Variants in RASSF3 observed in about 807,000 individuals in gnomAD.
RASSF3 encodes ras association domain-containing protein 3.
In RASSF3, 19 loss-of-function variants were observed where a neutral mutation model predicts 19.9. That is an observed-to-expected ratio of 0.96 (90% CI 0.67 to 1.40). RASSF3 has a LOEUF of 1.40. Ranked by LOEUF, RASSF3 falls within the 40% of genes most tolerant of loss-of-function variation. RASSF3 has a pLI of 0.00. For missense variants in RASSF3, 306 were observed against 289.8 expected, an observed-to-expected ratio of 1.06 and a Z score of -0.41; for synonymous variants, 110 against 104.2, an observed-to-expected ratio of 1.06 and a Z score of -0.34.
chr12:64,634,962 CTTTTCTTTTTT>C (rs1353930864), intron 1 of RASSF3, among the ~76,000 whole-genome samples: 2 of 130,488 alleles, frequency 1.5e-5, no homozygotes, highest in African/African-American at 3.0e-5. Flanking sequence ...CTTTTCTTTT[CTTTTCTTTTTT>C]TTTTTTTTTT....
At chr12:64,604,217 C>T (rs1196106570) in intron 2 of RASSF3, among the ~76,000 whole-genome samples, 4 of 151,758 alleles carry the variant, frequency 2.6e-5, no homozygotes, top group African/African-American at 9.7e-5. Flanking sequence ...CCTTGACCTC[C>T]CAGGCTCAAG....
At chr12:64,674,365 G>T (rs1003794064) in intron 1 of RASSF3, among the ~76,000 whole-genome samples, 1 of 152,184 alleles carries the variant, frequency 6.6e-6, no homozygotes, top group African/African-American at 2.4e-5. Flanking sequence ...CAGGAATGGA[G>T]CCCTCTTCTA....
At chr12:64,665,653 C>G (rs1872520597) in intron 1 of RASSF3, among the ~76,000 whole-genome samples, 1 of 152,106 alleles carries the variant, frequency 6.6e-6, no homozygotes, top group Non-Finnish European at 1.5e-5. Flanking sequence ...AAGTTACCAC[C>G]CTTTTTCTAG....
chr12:64,665,815 G>A (rs368182828), intron 1 of RASSF3, among the ~76,000 whole-genome samples: 1 of 152,194 alleles, frequency 6.6e-6, no homozygotes, highest in Admixed American at 6.5e-5. Flanking sequence ...CCGCAGGGTC[G>A]CTCTTCAGCT....
upstream of RASSF3, among the ~76,000 whole-genome samples, chr12:64,607,453 T>C (rs970156967): frequency 1.3e-5 from 2 of 152,102 alleles, no homozygotes; most frequent in African/African-American, 4.8e-5. Flanking sequence ...CACTGCAACC[T>C]CTGCCTCCAG....
chr12:64,631,530 G>A (rs559534976), intron 1 of RASSF3, among the ~76,000 whole-genome samples: 45 of 136,904 alleles, frequency 3.3e-4, no homozygotes, highest in African/African-American at 1.1e-3. Context: ...TGTTGTCATC[G>A]TATGTAATGT....
chr12:64,566,709 A>T (rs17100437), intron 2 of RASSF3, among the ~76,000 whole-genome samples: 5,992 of 152,240 alleles, frequency 0.039, 407 homozygotes, highest in African/African-American at 0.14. Context: ...GAGACGAAGC[A>T]ACCACAGGCT....
chr12:64,595,562 T>C (rs1365637054), intron 2 of RASSF3, among the ~76,000 whole-genome samples: 3 of 152,204 alleles, frequency 2.0e-5, no homozygotes, highest in Admixed American at 6.5e-5. Context: ...CATATGCGTA[T>C]GTAATACATC....
chr12:64,583,001 C>T (rs1410961432), intron 2 of RASSF3, among the ~76,000 whole-genome samples: 1 of 152,096 alleles, frequency 6.6e-6, no homozygotes, highest in East Asian at 1.9e-4. Flanking sequence ...AACCCTGGAC[C>T]TGGAAGTGCA....
At chr12:64,652,794 G>A (rs1048758611) in intron 1 of RASSF3, among the ~76,000 whole-genome samples, 1 of 152,170 alleles carries the variant, frequency 6.6e-6, no homozygotes, top group African/African-American at 2.4e-5. Context: ...TTTTGTTTCA[G>A]TATATGATTT....
intron 1 of RASSF3, among the ~76,000 whole-genome samples, chr12:64,626,488 CA>C (rs36122537): frequency 1.3e-3 from 99 of 76,842 alleles, no homozygotes; most frequent in East Asian, 1.4e-3. Flanking sequence ...ACTCTTGTCT[CA>C]AAAAAAAAAA....
upstream of RASSF3, among the ~76,000 whole-genome samples, chr12:64,532,710 C>T (rs1248518624): frequency 1.3e-5 from 2 of 151,576 alleles, no homozygotes; most frequent in African/African-American, 4.9e-5. Context: ...GCGACACTTG[C>T]CTATGTTCCC....
chr12:64,645,506 C>T (rs531087792), intron 1 of RASSF3, among the ~76,000 whole-genome samples: 40 of 151,892 alleles, frequency 2.6e-4, no homozygotes, highest in Admixed American at 6.6e-4. Flanking sequence ...GACCCTGTCT[C>T]TATCTTTTTA....
chr12:64,670,903 C>T (rs1400010064), intron 1 of RASSF3, among the ~76,000 whole-genome samples: 1 of 152,196 alleles, frequency 6.6e-6, no homozygotes, highest in East Asian at 1.9e-4. Context: ...GGAACCTCAC[C>T]TAGCCCCTCC....
At chr12:64,660,547 A>G (rs1872319860) in intron 1 of RASSF3, among the ~76,000 whole-genome samples, 2 of 152,224 alleles carry the variant, frequency 1.3e-5, no homozygotes, top group South Asian at 2.1e-4. Flanking sequence ...ATACTTTGAC[A>G]TAATTCTAAT....
chr12:64,573,778 G>A, intron 2 of RASSF3, among the ~76,000 whole-genome samples: 1 of 152,078 alleles, frequency 6.6e-6, no homozygotes, highest in Non-Finnish European at 1.5e-5. Context: ...CCTCAGCAAT[G>A]ACTTTTCATA....
intron 2 of RASSF3, 109 bp from the exon 3 acceptor site, chr12:64,688,105 CAA>C: frequency 2.5e-6 from 2 of 797,038 alleles, no homozygotes; most frequent in Non-Finnish European, 4.3e-6. Context: ...CCACAAACCT[CAA>C]GAGAAGAGAA....
At chr12:64,534,818 T>C (rs1300402454) in intron 1 of RASSF3, among the ~76,000 whole-genome samples, 1 of 152,214 alleles carries the variant, frequency 6.6e-6, no homozygotes, top group South Asian at 2.1e-4. Context: ...TGCTAAGCTA[T>C]GGAAAATGTT....
intron 1 of RASSF3, among the ~76,000 whole-genome samples, chr12:64,630,661 G>A (rs181217011): frequency 6.6e-6 from 1 of 152,296 alleles, no homozygotes; most frequent in Non-Finnish European, 1.5e-5. Flanking sequence ...TATTAAAATG[G>A]AATGAAGGCA....
Sources: allele counts gnomAD v4.1 joint callset (sites outside exome capture counted in the v4.1 genomes callset), GRCh38; gene constraint gnomAD v4.1.1; transcripts MANE v1.5; gene names NCBI Gene and HGNC (gene_info 2026-07-23, HGNC 2026-07-21).